Variants in SPEF2 observed in about 807,000 individuals in gnomAD.
SPEF2 encodes sperm flagellar and cilia associated 2, also known as sperm flagella and cilia-associated protein 2.
A neutral mutation model predicts 224.6 loss-of-function variants in SPEF2; 187 were observed. That is an observed-to-expected ratio of 0.83 (90% confidence interval 0.74 to 0.94). The LOEUF is 0.94. Among genes scored for constraint, SPEF2 ranks in the 40% least tolerant of loss-of-function variants. The probability of loss-of-function intolerance (pLI) is 0.00; values close to 1 mark genes in which losing one functional copy is unlikely to be tolerated. For synonymous variants in SPEF2, 715 were observed against 707.3 expected, an observed-to-expected ratio of 1.01 and a Z score of -0.17; for missense variants, 2,170 against 2,135.6, an observed-to-expected ratio of 1.02 and a Z score of -0.32.
At position 35,771,753 on chromosome 5, in the gene SPEF2, A is replaced by G; in HGVS notation, c.3946A>G (p.Lys1316Glu). Residue 1316 changes from lysine (K) to glutamate (E), a missense_variant, in exon 27 of 37, where the codon AAA becomes GAA. Transcript: ENST00000356031. ...GAAAAAACAGGAAGACAAAAAACCCAAAGGTATTTATGGTTTTAGCACTCA... is the reference window on the plus strand; with the variant it reads ...GAAAAAACAGGAAGACAAAAAACCCGAAGGTATTTATGGTTTTAGCACTCA... ...PKKKQEDKKP[K>E]GKSPPMAEAT... 6.3e-7 allele frequency: 1 copy of G among 1,588,180 alleles called. No homozygotes were observed. The highest frequency in any genetic ancestry group is 8.5e-7 in the Non-Finnish European group (1 of 1,173,644).
At chr5:35,635,122 G>A (rs1454750225) in intron 2 of SPEF2, among the ~76,000 whole-genome samples, 1 of 151,876 alleles carries the variant, frequency 6.6e-6, no homozygotes, top group Non-Finnish European at 1.5e-5. Flanking sequence ...TTTTCTTCAT[G>A]CTTTTTTTTT....
chr5:35,788,064 G>C (rs1191246349), intron 30 of SPEF2: 4 of 702,978 alleles, frequency 5.7e-6, no homozygotes, highest in Non-Finnish European at 1.0e-5. Flanking sequence ...TCAGGGGGAA[G>C]TCAAGTGAAT....
chr5:35,661,262 A>AC (rs1749671241), intron 8 of SPEF2, among the ~76,000 whole-genome samples: 1 of 10,792 alleles, frequency 9.3e-5, no homozygotes, highest in Non-Finnish European at 1.5e-4. Flanking sequence ...TATTATATAT[A>AC]TATATATATA....
At chr5:35,812,589 T>C (rs1242340783) in intron 36 of SPEF2, among the ~76,000 whole-genome samples, 1 of 152,206 alleles carries the variant, frequency 6.6e-6, no homozygotes, top group Non-Finnish European at 1.5e-5. Flanking sequence ...AACAATTTTC[T>C]CTAAAAACTT....
At chr5:35,662,890 T>A (rs1237735134) in intron 8 of SPEF2, among the ~76,000 whole-genome samples, 1 of 152,170 alleles carries the variant, frequency 6.6e-6, no homozygotes, top group Non-Finnish European at 1.5e-5. Flanking sequence ...TTTATTGTTC[T>A]TGTCATTTTT....
chr5:35,809,018 A>G (rs1183001517), intron 36 of SPEF2, among the ~76,000 whole-genome samples: 1 of 152,018 alleles, frequency 6.6e-6, no homozygotes, highest in Non-Finnish European at 1.5e-5. Context: ...TCTACCCCTC[A>G]GTAACTCCCT....
rs752856304 is a variant in SPEF2, at chr5:35,789,874, T to G, written c.4448-2466T>G. ...TATTAGAAGCTGCCAATGTGAAACT[T>G]AGTGAAGTGGATACTGAATGGAGCA... On this transcript the variant is annotated intron_variant, in intron 30 of 36. Transcript: ENST00000356031. The G allele has an allele frequency of 1.4e-5, 10 of 702,948 alleles. No homozygotes were observed. The South Asian group carries it at 1.5e-4, about 10-fold the overall frequency. 43.5% of individuals were successfully genotyped at this position (702,948 alleles called of 1,614,324 possible). A position where few individuals can be genotyped will look rare whatever the true frequency, so the allele number is the denominator to read the frequency against.
chr5:35,727,709 A>G lies in SPEF2; in HGVS notation c.2949A>G (p.Val983=), dbSNP rs1271954301. 6.2e-7 allele frequency: 1 copy of G among 1,613,830 alleles called. No homozygotes were observed. The highest frequency in any genetic ancestry group is 1.1e-5 in the South Asian group (1 of 91,016). Residue 983 remains valine, a synonymous_variant, in exon 21 of 37, where the codon GTA becomes GTG. Coordinates refer to ENST00000356031, the MANE Select transcript of SPEF2 (RefSeq NM_024867.4). ...AAGGAAAATCATCAGGAGGAAAAGT[A>G]CCAGTAAAGAAATCACCTGCTGACT... ...SPKGKSSGGK[V]PVKKSPADST... is the part of the protein sequence containing the mutation.
intron 25 of SPEF2, 68 bp from the exon 26 acceptor site, chr5:35,763,454 C>A: frequency 1.4e-6 from 2 of 1,392,398 alleles, no homozygotes; most frequent in Non-Finnish European, 1.9e-6. Flanking sequence ...TACAAAGTAA[C>A]ATGGTCACAA....
At chr5:35,789,492 C>T (rs1324276724) in intron 30 of SPEF2, 12 of 656,224 alleles carry the variant, frequency 1.8e-5, no homozygotes, top group Non-Finnish European at 3.0e-5. Context: ...TTCTTTTCTC[C>T]CCAGACTAGG....
chr5:35,745,138 G>C (rs1748283696), intron 23 of SPEF2, among the ~76,000 whole-genome samples: 2 of 152,172 alleles, frequency 1.3e-5, no homozygotes, highest in African/African-American at 4.8e-5. Flanking sequence ...GCGAAATACA[G>C]GGGTAGAGGA....
chr5:35,696,509 A>T (rs1227503526), intron 14 of SPEF2, among the ~76,000 whole-genome samples: 1 of 152,208 alleles, frequency 6.6e-6, no homozygotes, highest in Admixed American at 6.5e-5. Flanking sequence ...AGCAGAAAGT[A>T]TGTTTTATAT....
chr5:35,732,443 G>A (rs559365163), intron 21 of SPEF2, among the ~76,000 whole-genome samples: 30 of 152,226 alleles, frequency 2.0e-4, no homozygotes, highest in Non-Finnish European at 4.0e-4. Flanking sequence ...CTAGAAACCA[G>A]AGAGAGAAGT....
intron 3 of SPEF2, chr5:35,643,637 G>A (rs1746917882): frequency 2.3e-6 from 1 of 438,418 alleles, no homozygotes; most frequent in Admixed American, 2.5e-5. Flanking sequence ...TGTGGAAGAG[G>A]TGATATCATA....
At chr5:35,620,192 G>A (rs1743312210) in intron 1 of SPEF2, among the ~76,000 whole-genome samples, 1 of 152,196 alleles carries the variant, frequency 6.6e-6, no homozygotes, top group Admixed American at 6.5e-5. Flanking sequence ...ATTTCCTGCT[G>A]CTGCTGCCCC....
At chr5:35,657,580 A>G (rs533018807) in intron 7 of SPEF2, among the ~76,000 whole-genome samples, 8 of 152,218 alleles carry the variant, frequency 5.3e-5, no homozygotes, top group African/African-American at 1.9e-4. Context: ...GAGTGAACTT[A>G]GGATGGCCCT....
At position 35,713,330 on chromosome 5, in the gene SPEF2, A is replaced by G. The variant is rs955563569; in HGVS notation, c.2914+444A>G. On this transcript the variant is annotated intron_variant, in intron 20 of 36. Transcript: ENST00000356031. ...GAGCCTTGGTACAATACTGTTAACT[A>G]AAGCAGAACATTTAATTTTTGCCAT... Among the ~76,000 whole-genome samples the G allele has an allele frequency of 1.4e-4, 21 of 152,214 alleles. 1 individual carries two copies. The highest frequency in any genetic ancestry group is 4.4e-5 in the Non-Finnish European group (3 of 68,044).
chr5:35,793,401 A>G, intron 32 of SPEF2, 60 bp downstream of exon 32: 1 of 1,528,322 alleles, frequency 6.5e-7, no homozygotes, highest in Non-Finnish European at 8.9e-7. Flanking sequence ...TAAGAAGTGA[A>G]TTACTCAATG....
At chr5:35,756,624 A>G (rs1324320524) in intron 24 of SPEF2, among the ~76,000 whole-genome samples, 1 of 152,182 alleles carries the variant, frequency 6.6e-6, no homozygotes, top group African/African-American at 2.4e-5. Flanking sequence ...AGCACACTAG[A>G]AAAAGCCATC....
Sources: gnomAD v4.1 joint callset for allele counts (sites outside exome capture counted in the v4.1 genomes callset) on GRCh38, gnomAD v4.1.1 for gene constraint, MANE v1.5 for transcripts, NCBI Gene and HGNC (gene_info 2026-07-23, HGNC 2026-07-21) for gene names.